Variants in SCARA5 observed in about 807,000 individuals in gnomAD.
SCARA5 encodes the protein scavenger receptor class A member 5, also known as scavenger receptor class A, member 5 (putative).
SCARA5 carries 45 observed loss-of-function variants against 46.3 expected under a neutral mutation model. That is an observed-to-expected ratio of 0.97 (90% CI 0.76 to 1.24). The LOEUF (loss-of-function observed/expected upper bound fraction) is 1.24, where lower values mean the gene tolerates loss of function less well. SCARA5 is among the 50% of genes most tolerant of loss of function. The pLI, the probability that SCARA5 is intolerant of heterozygous loss-of-function variation, is 0.00. For missense variants in SCARA5, 680 were observed against 689.0 expected, an observed-to-expected ratio of 0.99 and a Z score of 0.15; for synonymous variants, 333 against 306.5, an observed-to-expected ratio of 1.09 and a Z score of -0.90.
intron 8 of SCARA5, among the ~76,000 whole-genome samples, chr8:27,878,881 G>T (rs886159055): frequency 1.3e-5 from 2 of 152,166 alleles, no homozygotes; most frequent in African/African-American, 4.8e-5. Flanking sequence ...TTGAGCCCAG[G>T]AGTTCGAGAC....
At chr8:27,916,937 C>A (rs547643303) in intron 4 of SCARA5, among the ~76,000 whole-genome samples, 3 of 152,162 alleles carry the variant, frequency 2.0e-5, no homozygotes, top group Admixed American at 2.0e-4. Flanking sequence ...GAGGGTGAGG[C>A]CCTTGTGAAT....
intron 2 of SCARA5, among the ~76,000 whole-genome samples, chr8:27,976,323 A>G (rs1452902132): frequency 6.6e-6 from 1 of 152,188 alleles, no homozygotes; most frequent in African/African-American, 2.4e-5. Context: ...CAATGCAGTG[A>G]GACTCAAGCA....
chr8:27,875,034 G>A (rs1806700039), intron 8 of SCARA5, among the ~76,000 whole-genome samples: 1 of 152,244 alleles, frequency 6.6e-6, no homozygotes, highest in African/African-American at 2.4e-5. Flanking sequence ...CAGGAGAAAT[G>A]TTATGGTGCC....
chr8:27,936,816 A>G (rs966990153), intron 3 of SCARA5, among the ~76,000 whole-genome samples: 2 of 152,062 alleles, frequency 1.3e-5, no homozygotes, highest in Admixed American at 6.5e-5. Context: ...GAAAAAACCC[A>G]CCAATGTATT....
chr8:27,896,097 T>C (rs1300629873), intron 7 of SCARA5, among the ~76,000 whole-genome samples: 1 of 152,072 alleles, frequency 6.6e-6, no homozygotes, highest in African/African-American at 2.4e-5. Context: ...CTCCTGAACC[T>C]CTCAGAGGGC....
At chr8:27,890,679 G>T (rs948990016) in intron 7 of SCARA5, among the ~76,000 whole-genome samples, 6 of 152,212 alleles carry the variant, frequency 3.9e-5, no homozygotes, top group Admixed American at 2.0e-4. Flanking sequence ...CACCTGCTCA[G>T]GGTGGGAGGG....
chr8:27,882,262 A>G (rs1364355261), intron 7 of SCARA5, among the ~76,000 whole-genome samples: 1 of 152,154 alleles, frequency 6.6e-6, no homozygotes, highest in African/African-American at 2.4e-5. Flanking sequence ...TCCATTTTCT[A>G]TGTGCACCAT....
At chr8:27,945,071 A>G (rs1017789791) in intron 3 of SCARA5, among the ~76,000 whole-genome samples, 16 of 152,030 alleles carry the variant, frequency 1.1e-4, no homozygotes, top group African/African-American at 3.9e-4. Flanking sequence ...AGGCTGAGGT[A>G]GGAGGATCAT....
intron 8 of SCARA5, among the ~76,000 whole-genome samples, chr8:27,873,940 C>T (rs532257457): frequency 6.1e-4 from 93 of 152,302 alleles, no homozygotes; most frequent in African/African-American, 2.2e-3. Context: ...ATCTCAGCTA[C>T]GCAGGAGGCT....
At chr8:27,972,414 A>G (rs1318902791) in intron 2 of SCARA5, among the ~76,000 whole-genome samples, 1 of 152,228 alleles carries the variant, frequency 6.6e-6, no homozygotes, top group Non-Finnish European at 1.5e-5. Flanking sequence ...AGGCATCTTG[A>G]ACACCACTAT....
intron 7 of SCARA5, among the ~76,000 whole-genome samples, chr8:27,902,121 G>A (rs80322344): frequency 0.029 from 4,360 of 152,270 alleles, 87 homozygotes; most frequent in Admixed American, 0.056. Flanking sequence ...CTTGTCAGAG[G>A]GCAGGAAAGA....
At chr8:27,966,592 C>A in intron 2 of SCARA5, 50 bp from the exon 3 acceptor site, 1 of 1,545,164 alleles carries the variant, frequency 6.5e-7, no homozygotes, top group Non-Finnish European at 8.7e-7. Context: ...TTAAAAACCC[C>A]ATAAGCTCTT....
chr8:27,887,093 G>A (rs1806908160), intron 7 of SCARA5, among the ~76,000 whole-genome samples: 1 of 152,172 alleles, frequency 6.6e-6, no homozygotes, highest in African/African-American at 2.4e-5. Context: ...CCAGGTAGAG[G>A]GCAAAGGGCA....
Position 27,966,732 on chromosome 8 carries a change from C to A in SCARA5, c.113-190G>T, listed in dbSNP as rs536866423. Among the ~76,000 whole-genome samples, 7 of 152,328 alleles carry A rather than the reference C, an allele frequency of 4.6e-5. 1 individual carries two copies. In the Middle Eastern group the frequency reaches 0.017, roughly 370 times the overall value. On this transcript the variant is annotated intron_variant, in intron 2 of 8. Transcript: ENST00000354914. The stretch of plus-strand genomic sequence containing the variant: ...CAGGACCATCACATTCAGCCTCTAG[C>A]TCTCCTCCCACTCTCTGTGTTCATG...
intron 7 of SCARA5, among the ~76,000 whole-genome samples, chr8:27,889,172 A>C (rs999161922): frequency 6.6e-6 from 1 of 152,226 alleles, no homozygotes; most frequent in African/African-American, 2.4e-5. Flanking sequence ...GCTGAGGCAC[A>C]GATGAGGCCA....
intron 7 of SCARA5, among the ~76,000 whole-genome samples, chr8:27,900,460 T>A (rs1807132757): frequency 6.6e-6 from 1 of 152,234 alleles, no homozygotes; most frequent in South Asian, 2.1e-4. Flanking sequence ...TCCCCAGACT[T>A]ACTTCCCTAA....
Position 27,936,795 on chromosome 8 carries a change from C to T in SCARA5, c.242-14550G>A, listed in dbSNP as rs567759757. On this transcript the variant is annotated intron_variant, in intron 3 of 8. Coordinates refer to ENST00000354914, the MANE Select transcript of SCARA5 (RefSeq NM_173833.6). ...TCCATATTAGGATGGCCTGTCAGAA[C>T]TTAAAAGGAAGAAAAAACCCACCAA... 7.2e-5 allele frequency among the ~76,000 whole-genome samples: 11 copies of T among 152,110 alleles called. No individual in the cohort carries two copies. In the South Asian group the frequency reaches 1.2e-3, roughly 17 times the overall value.
intron 4 of SCARA5, chr8:27,910,208 CACACCAGG>C (rs2129774456): frequency 6.5e-6 from 1 of 154,396 alleles, no homozygotes; most frequent in Admixed American, 6.5e-5. Flanking sequence ...CAGCAGTCTG[CACACCAGG>C]AGGAGAGTCC....
intron 3 of SCARA5, among the ~76,000 whole-genome samples, chr8:27,936,352 G>A (rs754360555): frequency 1.3e-4 from 20 of 151,996 alleles, no homozygotes; most frequent in Non-Finnish European, 2.9e-4. Context: ...CAAAGCAAAG[G>A]ATGAAGCAGG....
Sources: allele counts gnomAD v4.1 joint callset (sites outside exome capture counted in the v4.1 genomes callset), GRCh38; gene constraint gnomAD v4.1.1; transcripts MANE v1.5; gene names NCBI Gene and HGNC (gene_info 2026-07-23, HGNC 2026-07-21).